HSF4: variants seen among roughly 807,000 people sequenced by gnomAD.
The protein encoded by HSF4 is heat shock transcription factor 4, also known as heat shock factor protein 4.
Under a neutral mutation model 52.0 loss-of-function variants are expected in HSF4, and 41 were observed. The observed-to-expected ratio is 0.79, with a 90% CI of 0.61 to 1.02. The LOEUF (loss-of-function observed/expected upper bound fraction) is 1.02, where lower values mean the gene tolerates loss of function less well. HSF4 is among the 50% of genes least tolerant of loss of function. The probability of loss-of-function intolerance (pLI) is 0.00; values close to 1 mark genes in which losing one functional copy is unlikely to be tolerated. For missense variants in HSF4, 610 were observed against 651.1 expected, an observed-to-expected ratio of 0.94 and a Z score of 0.69; for synonymous variants, 285 against 273.0, an observed-to-expected ratio of 1.04 and a Z score of -0.43.
At position 67,169,436 on chromosome 16, in the gene HSF4, A is replaced by G; in HGVS notation, c.1324+88A>G. ...AGTGAGGGGGCAATCTGCAATTTGCAGGGAAATCCTGAGTTCAGGCTGCAC... is the reference window on the plus strand; with the variant it reads ...AGTGAGGGGGCAATCTGCAATTTGCGGGGAAATCCTGAGTTCAGGCTGCAC... On this transcript the variant is annotated intron_variant, in intron 12 of 12. Coordinates refer to ENST00000521374, the MANE Select transcript of HSF4 (RefSeq NM_001374675.1). The surrounding 1 kb of genome is among the most constrained non-coding windows in gnomAD (Gnocchi z 4.3). The G allele has an allele frequency of 6.4e-7, 1 of 1,571,492 alleles. No individual in the cohort carries two copies. Among genetic ancestry groups the G allele is most frequent in the South Asian group, 1.1e-5 (1 of 87,056 alleles).
Position 67,168,895 on chromosome 16 carries a change from C to T in HSF4, c.1147C>T (p.Gln383Ter), listed in dbSNP as rs762123468. 4.3e-6 allele frequency: 7 copies of T among 1,613,974 alleles called. No individual in the cohort carries two copies. Among genetic ancestry groups the T allele is most frequent in the Non-Finnish European group, 5.9e-6 (7 of 1,180,040 alleles). ...PESLLPPMLL[Q>*]PPQESVEPAG... The stretch of plus-strand genomic sequence containing the variant: ...GAGTCTGCTGCCTCCGATGCTGCTT[C>T]AGCCCCCTCAAGAAAGTGTGGAACC... Residue 383 changes from glutamine to a stop codon, truncating the protein, a stop_gained, in exon 10 of 13, where the codon CAG becomes TAG. Coordinates refer to ENST00000521374, the MANE Select transcript of HSF4 (RefSeq NM_001374675.1). LOFTEE classifies it high-confidence loss of function.
Position 67,169,689 on chromosome 16 carries a change from C to T in HSF4, c.1383C>T (p.Gly461=), listed in dbSNP as rs1351221358. The part of the protein sequence containing the change: ...LLLDVQAALG[G]PALGLPGALT... ...TGGATGTCCAGGCGGCCTTGGGAGG[C>T]CCAGCCCTGGGCCTGCCTGGGGCTT... Residue 461 remains glycine (G), a synonymous_variant, in exon 13 of 13, where the codon GGC becomes GGT. Transcript: ENST00000521374. The surrounding 1 kb of genome is among the most constrained non-coding windows in gnomAD (Gnocchi z 4.3). The T allele has an allele frequency of 1.9e-6, 3 of 1,612,542 alleles. No individual in the cohort carries two copies. The highest frequency in any genetic ancestry group is 2.5e-6 in the Non-Finnish European group (3 of 1,179,988).
intron 4 of HSF4, 27 bp downstream of exon 4, chr16:67,166,097 G>GT: frequency 4.9e-6 from 3 of 616,428 alleles, no homozygotes; most frequent in Non-Finnish European, 8.4e-6. Context: ...GGAAAGAGGG[G>GT]ACAGGGGTGG....
chr16:67,166,093 A>ATTT, intron 4 of HSF4, 23 bp downstream of exon 4: 1 of 437,802 alleles, frequency 2.3e-6, no homozygotes, highest in Non-Finnish European at 3.8e-6. Context: ...GCGGGGAAAG[A>ATTT]GGGGACAGGG....
intron 9 of HSF4, 126 bp downstream of exon 9, chr16:67,168,073 T>C: frequency 1.2e-6 from 1 of 846,752 alleles, no homozygotes; most frequent in Non-Finnish European, 1.9e-6. Context: ...CAGAGTTCTG[T>C]GGAAAGCAGA....
At position 67,165,298 on chromosome 16, in the gene HSF4, G is replaced by C; in HGVS notation, c.124-224G>C. The C allele has an allele frequency of 1.7e-6, 1 of 604,794 alleles. No individual in the cohort carries two copies. The highest frequency in any genetic ancestry group is 2.9e-6 in the Non-Finnish European group (1 of 340,574). 37.5% of individuals were successfully genotyped at this position (604,794 alleles called of 1,614,324 possible). A position where few individuals can be genotyped will look rare whatever the true frequency, so the allele number is the denominator to read the frequency against. On this transcript the variant is annotated intron_variant, in intron 1 of 12. Transcript: ENST00000521374. The surrounding 1 kb of genome is among the most constrained non-coding windows in gnomAD (Gnocchi z 6.9). Reference sequence around the variant, plus strand: ...CTCTCCTTTCTGAGAACTGAGTATGGAGTCAGGGTCTGGCTGGGGGTAGGG... The same window carrying C: ...CTCTCCTTTCTGAGAACTGAGTATGCAGTCAGGGTCTGGCTGGGGGTAGGG...
In HSF4 at chr16:67,165,763, A is replaced by T. The variant is rs2031226121; in HGVS notation, c.277A>T (p.Arg93Trp). ...VVSIEQGGLL[R>W]PERDHVEFQH... The stretch of plus-strand genomic sequence containing the variant: ...GAGCATCGAGCAGGGCGGCCTGCTT[A>T]GGCCGGAGCGCGACCACGTCGAGTT... The change falls in exon 3 of 13, where the codon AGG becomes TGG. Residue 93 changes from arginine (R) to tryptophan (W), a missense_variant. Transcript: ENST00000521374. This position sits in a 1 kb window ranked among gnomAD's most constrained non-coding sequence, Gnocchi z 6.9. 2 of 1,611,036 alleles carry T rather than the reference A, an allele frequency of 1.2e-6. No homozygotes were observed. Among genetic ancestry groups the T allele is most frequent in the Non-Finnish European group, 1.7e-6 (2 of 1,179,716 alleles).
intron 6 of HSF4, among the ~76,000 whole-genome samples, 182 bp downstream of exon 6, chr16:67,166,804 A>T (rs2031338777): frequency 6.8e-6 from 1 of 146,962 alleles, no homozygotes; most frequent in African/African-American, 2.5e-5. Flanking sequence ...TGGTATCCCC[A>T]CTCCCAGATC....
Position 67,166,529 on chromosome 16 carries a change from T to C in HSF4, c.562-29T>C, listed in dbSNP as rs778567385. 8.1e-6 allele frequency: 13 copies of C among 1,613,124 alleles called. No individual in the cohort carries two copies. The South Asian group carries it at 9.9e-5, about 12-fold the overall frequency. On this transcript the variant is annotated intron_variant, in intron 5 of 12. Transcript: ENST00000521374. ...GGGGGTGGGGGGGCTGTGTCCAAAGTATGAATTAAACCTTTGCTTTCTCTT... is the reference window on the plus strand; with the variant it reads ...GGGGGTGGGGGGGCTGTGTCCAAAGCATGAATTAAACCTTTGCTTTCTCTT...
At chr16:67,167,257 G>T in intron 7 of HSF4, 35 bp downstream of exon 7, 2 of 1,613,738 alleles carry the variant, frequency 1.2e-6, no homozygotes, top group Non-Finnish European at 8.5e-7. Flanking sequence ...CCAAGGGCAT[G>T]GCTGGGCTTA....
At chr16:67,166,096 G>A in intron 4 of HSF4, 26 bp downstream of exon 4, 2 of 1,264,580 alleles carry the variant, frequency 1.6e-6, no homozygotes, top group Non-Finnish European at 2.2e-6. Context: ...GGGAAAGAGG[G>A]GACAGGGGTG....
rs1325754026 is a variant in HSF4 at position 67,167,240 on chromosome 16, C to T, written c.729+18C>T. 6.2e-7 allele frequency: 1 copy of T among 1,614,088 alleles called. No individual in the cohort carries two copies. The highest frequency in any genetic ancestry group is 1.7e-5 in the Admixed American group (1 of 60,022). On this transcript the variant is annotated intron_variant, in intron 7 of 12. Transcript: ENST00000521374. Reference sequence around the variant, plus strand: ...TCCAGTCGGTAGGTTTGTCTTCTTCCCCCTTCCCAAGGGCATGGCTGGGCT... The same window carrying T: ...TCCAGTCGGTAGGTTTGTCTTCTTCTCCCTTCCCAAGGGCATGGCTGGGCT...
Position 67,166,412 on chromosome 16 carries a change from G to A in HSF4, c.561+17G>A. On this transcript the variant is annotated intron_variant, in intron 5 of 12. Transcript: ENST00000521374. Reference sequence around the variant, plus strand: ...ATTGGCAAGGTGTTCCTCTCCCCAAGCCTCGCTTCTCCCTCCCACTCCTCG... The same window carrying A: ...ATTGGCAAGGTGTTCCTCTCCCCAAACCTCGCTTCTCCCTCCCACTCCTCG... 3 of 1,604,966 alleles carry A rather than the reference G, an allele frequency of 1.9e-6. No individual in the cohort carries two copies. Among genetic ancestry groups the A allele is most frequent in the Non-Finnish European group, 2.6e-6 (3 of 1,175,336 alleles).
chr16:67,166,732 T>C, intron 6 of HSF4, 110 bp downstream of exon 6: 6 of 1,013,306 alleles, frequency 5.9e-6, no homozygotes, highest in South Asian at 1.3e-5. Context: ...TCCTCATTCC[T>C]CCCCCTGCGC....
chr16:67,167,592 G>T lies in HSF4; in HGVS notation c.847G>T (p.Gly283Cys), dbSNP rs2031397791. 6.2e-7 allele frequency: 1 copy of T among 1,613,274 alleles called. No homozygotes were observed. Among genetic ancestry groups the T allele is most frequent in the African/African-American group, 1.3e-5 (1 of 74,898 alleles). Residue 283 changes from glycine (G) to cysteine (C), a missense_variant, in exon 8 of 13, where the codon GGC (glycine) becomes TGC (cysteine). Gly to Cys is a radical substitution (Grantham distance 159). Transcript: ENST00000521374. ...GACCAGGCTTTCTCCCTCCAGTGAT[G>T]GCAGGAGGTAAGGGGGACAGGGCTG... is the stretch of plus-strand genomic sequence containing the variant. ...EGTRLSPSSD[G>C]RREKGLALLK...
Position 67,165,145 on chromosome 16 carries a change from TC to T in HSF4, c.123+213del, listed in dbSNP as rs1263684248. ...GAGCCTGCCTTCTGAAGACCTAGAG[TC>T]CGAGGGACCTTCGAGGCCATTTAGT... is the stretch of plus-strand genomic sequence containing the variant. On this transcript the variant is annotated intron_variant, in intron 1 of 12. Transcript: ENST00000521374. The surrounding 1 kb of genome is among the most constrained non-coding windows in gnomAD (Gnocchi z 6.9). 1 of 614,560 alleles carries T rather than the reference TC, an allele frequency of 1.6e-6. No homozygotes were observed. The highest frequency in any genetic ancestry group is 2.8e-5 in the East Asian group (1 of 36,002). 38.1% of individuals were successfully genotyped at this position (614,560 alleles called of 1,614,324 possible). A position where few individuals can be genotyped will look rare whatever the true frequency, so the allele number is the denominator to read the frequency against.
chr16:67,165,336 C>A lies in HSF4; in HGVS notation c.124-186C>A, dbSNP rs1295712440. The A allele has an allele frequency of 1.9e-5, 12 of 626,572 alleles. No homozygotes were observed. The highest frequency in any genetic ancestry group is 4.2e-4 in the Middle Eastern group (1 of 2,380). 38.8% of individuals were successfully genotyped at this position (626,572 alleles called of 1,614,324 possible). ...GCTGGGGGTAGGGACTCACTGTGGT[C>A]GCTCCAGGCTAGGCCTCGGAGCCCG... On this transcript the variant is annotated intron_variant, in intron 1 of 12. Transcript: ENST00000521374. The surrounding 1 kb of genome is among the most constrained non-coding windows in gnomAD (Gnocchi z 6.9).
rs113336200 is a variant in HSF4 at position 67,167,831 on chromosome 16, G to A, written c.966G>A (p.Pro322=). Reference sequence around the variant, plus strand: ...GTGACTTCTGCGTGACAGCCCCCCCGCCACTGCCTGTGGCTGTGGTGCAGG... The same window carrying A: ...GTGACTTCTGCGTGACAGCCCCCCCACCACTGCCTGTGGCTGTGGTGCAGG... ...NECDFCVTAP[P]PLPVAVVQAI... is the part of the protein sequence containing the mutation. Residue 322 remains proline, a synonymous_variant, in exon 9 of 13, where the codon CCG becomes CCA. Coordinates refer to ENST00000521374, the MANE Select transcript of HSF4 (RefSeq NM_001374675.1). 4.9e-5 allele frequency: 78 copies of A among 1,597,272 alleles called. No individual in the cohort carries two copies. Among genetic ancestry groups the A allele is most frequent in the African/African-American group, 4.5e-4 (34 of 74,786 alleles).
upstream of HSF4, chr16:67,163,775 G>T: frequency 6.4e-7 from 1 of 1,572,722 alleles, no homozygotes; most frequent in Non-Finnish European, 8.6e-7. Flanking sequence ...ATACCCTCAA[G>T]CTCACGCGCG....
Sources: gnomAD v4.1 joint callset for allele counts (sites outside exome capture counted in the v4.1 genomes callset) on GRCh38, gnomAD v4.1.1 for gene constraint, Gnocchi (gnomAD v3.1) non-coding constraint, MANE v1.5 for transcripts, NCBI Gene and HGNC (gene_info 2026-07-23, HGNC 2026-07-21) for gene names.